MAT2B: variants seen among roughly 807,000 people sequenced by gnomAD.
The protein encoded by MAT2B is methionine adenosyltransferase 2 subunit beta.
In MAT2B, 16 loss-of-function variants were observed where a neutral mutation model predicts 36.1. The ratio of observed to expected loss-of-function variants is 0.44; its 90% CI spans 0.30 to 0.67. The LOEUF (loss-of-function observed/expected upper bound fraction) is 0.67, where lower values mean the gene tolerates loss of function less well. Ranked by LOEUF, MAT2B falls within the 30% of genes least tolerant of loss-of-function variation. The pLI is 0.09. For synonymous variants in MAT2B, 148 were observed against 136.9 expected, an observed-to-expected ratio of 1.08 and a Z score of -0.57; for missense variants, 332 against 398.2, an observed-to-expected ratio of 0.83 and a Z score of 1.42.
At position 163,506,455 on chromosome 5, in the gene MAT2B, C is replaced by G. The variant is rs188213801; in HGVS notation, c.63+706C>G. 1.1e-4 allele frequency among the ~76,000 whole-genome samples: 17 copies of G among 152,244 alleles called. No homozygotes were observed. In the East Asian group the frequency reaches 3.3e-3, roughly 29 times the overall value. ...CTCTGGTGCCCCCCTCGCCCCCGTC[C>G]CATCCTGCTCCATTCCACTTAAGGG... is the stretch of plus-strand genomic sequence containing the variant. On this transcript the variant is annotated intron_variant, in intron 1 of 6. Transcript: ENST00000321757.
At chr5:163,514,961 A>T (rs1291084522) in intron 4 of MAT2B, among the ~76,000 whole-genome samples, 1 of 152,214 alleles carries the variant, frequency 6.6e-6, no homozygotes, top group African/African-American at 2.4e-5. Flanking sequence ...GAAGTCCAAG[A>T]TCAAGGTGAG....
At chr5:163,503,521 A>G, upstream of MAT2B, 1 of 1,133,014 alleles carries the variant, frequency 8.8e-7, no homozygotes, top group Admixed American at 1.8e-5. Context: ...TTGTTGTGTA[A>G]AGAAAATAGA....
Position 163,518,963 on chromosome 5 carries a change from A to C in MAT2B, c.*600A>C, listed in dbSNP as rs141380012. On this transcript the variant is annotated 3_prime_UTR_variant, in exon 7 of 7. Coordinates refer to ENST00000321757, the MANE Select transcript of MAT2B (RefSeq NM_013283.5). ...GGAGCACTTGAAAGAGCGTGTGTAC[A>C]TGTATTTTTTTTCTAGGCAAACATT... is the stretch of plus-strand genomic sequence containing the variant. 1 of 152,534 alleles carries C rather than the reference A, an allele frequency of 6.6e-6. No homozygotes were observed. The highest frequency in any genetic ancestry group is 2.4e-5 in the African/African-American group (1 of 41,426). The allele number at this position is 152,534 out of a possible 1,614,324, so 9.4% of individuals were successfully genotyped here.
intron 1 of MAT2B, among the ~76,000 whole-genome samples, chr5:163,509,450 T>A (rs1008653367): frequency 3.9e-5 from 6 of 152,220 alleles, no homozygotes; most frequent in African/African-American, 1.2e-4. Context: ...CAAATCACGA[T>A]GATCAGCATC....
chr5:163,512,438 C>T (rs1164392909), intron 2 of MAT2B: 1 of 528,616 alleles, frequency 1.9e-6, no homozygotes, highest in East Asian at 3.4e-5. Context: ...AGAGTGCCTT[C>T]TAAGTAATAC....
At chr5:163,503,499 C>A, upstream of MAT2B, 3 of 1,312,278 alleles carry the variant, frequency 2.3e-6, no homozygotes, top group Non-Finnish European at 3.3e-6. Flanking sequence ...TGAACGCCTG[C>A]TAAAACCAGA....
chr5:163,512,926 C>G (rs770328494), intron 2 of MAT2B: 1 of 253,720 alleles, frequency 3.9e-6, no homozygotes, highest in Non-Finnish European at 7.9e-6. Flanking sequence ...CGTGATCCAC[C>G]CACCTCAGCC....
At chr5:163,513,362 T>C (rs1381142492) in intron 2 of MAT2B, 193 bp from the exon 3 acceptor site, 1 of 498,324 alleles carries the variant, frequency 2.0e-6, no homozygotes, top group African/African-American at 1.9e-5. Context: ...TCAGTGCCTA[T>C]AAATATTTTA....
At position 163,510,209 on chromosome 5, in the gene MAT2B, C is replaced by G. The variant is rs1222609408; in HGVS notation, c.64-1793C>G. Among the ~76,000 whole-genome samples the G allele has an allele frequency of 5.3e-5, 8 of 152,066 alleles. No individual in the cohort carries two copies. In the East Asian group the frequency reaches 1.5e-3, roughly 29 times the overall value. ...CTTTATTCAAGATCCTGGTTGGAAA[C>G]TTGGTGTTACCCATCTTGGGAAGAA... On this transcript the variant is annotated intron_variant, in intron 1 of 6. Transcript: ENST00000321757.
Position 163,513,987 on chromosome 5 carries a change from C to T in MAT2B, c.519C>T (p.Asn173=). The part of the protein sequence containing the change: ...KLDGEKAVLE[N]NLGAAVLRIP... ...ATGGAGAAAAGGCTGTCCTGGAGAA[C>T]AATCTAGGTAAGACCTAATCTATTT... is the stretch of plus-strand genomic sequence containing the variant. The change falls in exon 4 of 7, where the codon AAC becomes AAT. Residue 173 remains asparagine, a synonymous_variant. Coordinates refer to ENST00000321757, the MANE Select transcript of MAT2B (RefSeq NM_013283.5). The T allele has an allele frequency of 6.2e-7, 1 of 1,612,750 alleles. No individual in the cohort carries two copies. The highest frequency in any genetic ancestry group is 2.2e-5 in the East Asian group (1 of 44,754).
At chr5:163,517,713 A>G (rs1268359504) in intron 6 of MAT2B, 39 bp downstream of exon 6, 27 of 1,208,988 alleles carry the variant, frequency 2.2e-5, no homozygotes, top group Non-Finnish European at 3.0e-5. Context: ...ATCCATTGCT[A>G]TGGTATATAT....
At chr5:163,506,501 A>G (rs1026212841) in intron 1 of MAT2B, among the ~76,000 whole-genome samples, 1 of 152,094 alleles carries the variant, frequency 6.6e-6, no homozygotes, top group Non-Finnish European at 1.5e-5. Context: ...TAATCTGTCC[A>G]CAGAACATAT....
At chr5:163,510,191 C>T (rs1022975777) in intron 1 of MAT2B, among the ~76,000 whole-genome samples, 4 of 152,102 alleles carry the variant, frequency 2.6e-5, no homozygotes, top group Non-Finnish European at 4.4e-5. Flanking sequence ...TGACTTTATT[C>T]AAGATCCTGG....
At chr5:163,505,343 G>A (rs1361102724), upstream of MAT2B, among the ~76,000 whole-genome samples, 1 of 151,472 alleles carries the variant, frequency 6.6e-6, no homozygotes, top group African/African-American at 2.4e-5. Flanking sequence ...ATCTTTTCCC[G>A]AGTCAAGAAA....
In MAT2B at chr5:163,517,626, A is replaced by T. The variant is rs372671147; in HGVS notation, c.786A>T (p.Ala262=). The change falls in exon 6 of 7, where the codon GCA becomes GCT. Residue 262 remains alanine (A), a synonymous_variant. Coordinates refer to ENST00000321757, the MANE Select transcript of MAT2B (RefSeq NM_013283.5). The stretch of plus-strand genomic sequence containing the variant: ...AACAGATGACTAAGTATGAAATGGC[A>T]TGTGCAATTGCAGATGCCTTCAACC... ...GNEQMTKYEM[A]CAIADAFNLP... 1 of 1,613,846 alleles carries T rather than the reference A, an allele frequency of 6.2e-7. No individual in the cohort carries two copies. The highest frequency in any genetic ancestry group is 1.3e-5 in the African/African-American group (1 of 74,910).
intron 5 of MAT2B, 153 bp downstream of exon 5, chr5:163,516,864 C>T (rs779282759): frequency 1.5e-6 from 1 of 654,452 alleles, no homozygotes; most frequent in African/African-American, 1.8e-5. Context: ...TACATATACA[C>T]TGTATTCATG....
intron 1 of MAT2B, among the ~76,000 whole-genome samples, chr5:163,508,864 A>G (rs561740361): frequency 6.6e-6 from 1 of 152,302 alleles, no homozygotes; most frequent in African/African-American, 2.4e-5. Flanking sequence ...GCAAGCATTT[A>G]CTGAAATGGA....
At position 163,510,766 on chromosome 5, in the gene MAT2B, G is replaced by A. The variant is rs566955111; in HGVS notation, c.64-1236G>A. Among the ~76,000 whole-genome samples, 3 of 152,272 alleles carry A rather than the reference G, an allele frequency of 2.0e-5. No individual in the cohort carries two copies. In the East Asian group the frequency reaches 5.8e-4, roughly 29 times the overall value. On this transcript the variant is annotated intron_variant, in intron 1 of 6. Transcript: ENST00000321757. The stretch of plus-strand genomic sequence containing the variant: ...ACATTTACCAATTTGGTTAAACTTA[G>A]AAAGCATTTAAGTGTTGTAAGGACC...
chr5:163,513,357 G>T, intron 2 of MAT2B, 198 bp from the exon 3 acceptor site: 1 of 482,696 alleles, frequency 2.1e-6, no homozygotes, highest in Non-Finnish European at 3.7e-6. Context: ...TCTTTTCAGT[G>T]CCTATAAATA....
Sources: gnomAD v4.1 joint callset for allele counts (sites outside exome capture counted in the v4.1 genomes callset) on GRCh38, gnomAD v4.1.1 for gene constraint, MANE v1.5 for transcripts, NCBI Gene and HGNC (gene_info 2026-07-23, HGNC 2026-07-21) for gene names.